EVA1C: variants seen among roughly 807,000 people sequenced by gnomAD.
EVA1C encodes eva-1 homolog C.
In EVA1C, 25 loss-of-function variants were observed where a neutral mutation model predicts 45.4. That is an observed-to-expected ratio of 0.55 (90% CI 0.40 to 0.77). EVA1C has a LOEUF of 0.77. Ranked by LOEUF, EVA1C falls within the 30% of genes least tolerant of loss-of-function variation. The probability of loss-of-function intolerance (pLI) is 0.00; values close to 1 mark genes in which losing one functional copy is unlikely to be tolerated. For missense variants in EVA1C, 479 were observed against 554.8 expected (o/e 0.86, Z 1.37); for synonymous variants, 190 against 221.2 (o/e 0.86, Z 1.25).
At chr21:32,483,183 G>C (rs1214642940) in intron 4 of EVA1C, among the ~76,000 whole-genome samples, 1 of 152,038 alleles carries the variant, frequency 6.6e-6, no homozygotes, top group Non-Finnish European at 1.5e-5. Context: ...TACCCCTGGG[G>C]TTCTGCACCA....
At chr21:32,444,313 T>G (rs182952594) in intron 1 of EVA1C, among the ~76,000 whole-genome samples, 1 of 152,170 alleles carries the variant, frequency 6.6e-6, no homozygotes, top group Non-Finnish European at 1.5e-5. Flanking sequence ...ATTGCCCTTC[T>G]TCCCAGCAGT....
chr21:32,432,665 CAG>C (rs78891238), intron 1 of EVA1C, among the ~76,000 whole-genome samples: 24,072 of 152,114 alleles, frequency 0.16, 2,202 homozygotes, highest in Admixed American at 0.24. Flanking sequence ...TCATCTAAAA[CAG>C]AGCAATTCCC....
chr21:32,423,892 T>C (rs2833805), intron 1 of EVA1C, among the ~76,000 whole-genome samples: 24,800 of 152,156 alleles, frequency 0.16, 2,502 homozygotes, highest in East Asian at 0.28. Context: ...TGTCTGCCTC[T>C]GATGCCCTGT....
At chr21:32,487,693 C>T (rs1388992441) in intron 4 of EVA1C, among the ~76,000 whole-genome samples, 3 of 149,492 alleles carry the variant, frequency 2.0e-5, no homozygotes, top group African/African-American at 4.9e-5. Flanking sequence ...GCCCTCCAGT[C>T]TGGGGGACAG....
intron 1 of EVA1C, among the ~76,000 whole-genome samples, chr21:32,418,304 A>G (rs148776425): frequency 6.6e-6 from 1 of 152,340 alleles, no homozygotes; most frequent in East Asian, 1.9e-4. Flanking sequence ...CCACAGAAGA[A>G]GAGAGATGAA....
intron 2 of EVA1C, among the ~76,000 whole-genome samples, chr21:32,456,410 C>T (rs536226312): frequency 3.7e-4 from 57 of 152,300 alleles, no homozygotes; most frequent in Admixed American, 1.4e-3. Context: ...TGGAGCCCTC[C>T]GGTGACATCT....
At chr21:32,505,857 G>A (rs372359478) in intron 7 of EVA1C, among the ~76,000 whole-genome samples, 71 of 152,254 alleles carry the variant, frequency 4.7e-4, no homozygotes, top group African/African-American at 1.7e-3. Context: ...AGCTCCTAAT[G>A]AGTGAACTGG....
At chr21:32,461,904 T>C (rs899707549) in intron 3 of EVA1C, among the ~76,000 whole-genome samples, 4 of 152,180 alleles carry the variant, frequency 2.6e-5, no homozygotes, top group Non-Finnish European at 4.4e-5. Context: ...TCGTATCTGC[T>C]GTGTGTTGGG....
At chr21:32,458,772 C>T (rs930284192) in intron 3 of EVA1C, among the ~76,000 whole-genome samples, 2 of 152,126 alleles carry the variant, frequency 1.3e-5, no homozygotes, top group African/African-American at 2.4e-5. Flanking sequence ...TGAGCCACCA[C>T]GCCTGGTCGA....
chr21:32,478,736 G>A (rs568567646), intron 4 of EVA1C, among the ~76,000 whole-genome samples: 1 of 152,358 alleles, frequency 6.6e-6, no homozygotes, highest in South Asian at 2.1e-4. Flanking sequence ...GAGGCCGCCA[G>A]GCTTCAGAAT....
At chr21:32,450,407 A>G (rs1207430288) in intron 1 of EVA1C, among the ~76,000 whole-genome samples, 4 of 146,686 alleles carry the variant, frequency 2.7e-5, no homozygotes, top group Non-Finnish European at 5.9e-5. Context: ...TCATCTAGCT[A>G]CAGTGACAAG....
At chr21:32,443,638 A>G (rs995080626) in intron 1 of EVA1C, among the ~76,000 whole-genome samples, 4 of 152,212 alleles carry the variant, frequency 2.6e-5, no homozygotes, top group Non-Finnish European at 4.4e-5. Flanking sequence ...TATGCCCACT[A>G]TATCATTTAA....
rs1491020663 is a variant in EVA1C at position 32,427,712 on chromosome 21, A to AG, written c.160+14703dup. Among the ~76,000 whole-genome samples the AG allele has an allele frequency of 2.7e-5, 4 of 148,342 alleles. No homozygotes were observed. In the South Asian group the frequency reaches 6.5e-4, roughly 24 times the overall value. Reference sequence around the variant, plus strand: ...TGGTGACAGAGCAAGTCTCCATCTCAGGGGAAAAAAAAAAATAGGCAGAGG... The same window carrying AG: ...TGGTGACAGAGCAAGTCTCCATCTCAGGGGGAAAAAAAAAAATAGGCAGAGG... On this transcript the variant is annotated intron_variant, in intron 1 of 7. Transcript: ENST00000300255.
chr21:32,484,097 C>T (rs771428409), intron 4 of EVA1C, among the ~76,000 whole-genome samples: 79 of 152,052 alleles, frequency 5.2e-4, no homozygotes, highest in Admixed American at 4.3e-3. Context: ...GACCCCTTCA[C>T]GGTTCTCCAA....
chr21:32,495,183 C>G lies in EVA1C; in HGVS notation c.778+13C>G, dbSNP rs763051250. 2 of 1,612,302 alleles carry G rather than the reference C, an allele frequency of 1.2e-6. No homozygotes were observed. Among genetic ancestry groups the G allele is most frequent in the East Asian group, 4.5e-5 (2 of 44,850 alleles). On this transcript the variant is annotated intron_variant, in intron 5 of 7. Transcript: ENST00000300255. ...ACCTACGCATGTGGTAAGAACACAC[C>G]CCCGACCAGCTGCCTGATGACACTG...
chr21:32,470,293 G>T (rs1452577228), intron 4 of EVA1C, among the ~76,000 whole-genome samples: 1 of 152,206 alleles, frequency 6.6e-6, no homozygotes, highest in Non-Finnish European at 1.5e-5. Context: ...TTTGGAACAC[G>T]TGCCTCCCAA....
intron 4 of EVA1C, among the ~76,000 whole-genome samples, chr21:32,493,305 T>C (rs1160898405): frequency 6.6e-6 from 1 of 152,242 alleles, no homozygotes; most frequent in African/African-American, 2.4e-5. Flanking sequence ...GGGAATCCTC[T>C]ACACTGTCCC....
intron 1 of EVA1C, among the ~76,000 whole-genome samples, chr21:32,426,456 C>T (rs1483456090): frequency 6.6e-6 from 1 of 151,964 alleles, no homozygotes; most frequent in African/African-American, 2.4e-5. Context: ...CCACTGCCTC[C>T]CCGACTTTCC....
intron 7 of EVA1C, among the ~76,000 whole-genome samples, chr21:32,508,488 A>T (rs1180646362): frequency 1.3e-5 from 2 of 152,228 alleles, no homozygotes; most frequent in Non-Finnish European, 2.9e-5. Flanking sequence ...ACACAAAAAC[A>T]CGCTCCAGAG....
Sources: gnomAD v4.1 joint callset for allele counts (sites outside exome capture counted in the v4.1 genomes callset) on GRCh38, gnomAD v4.1.1 for gene constraint, MANE v1.5 for transcripts, NCBI Gene and HGNC (gene_info 2026-07-23, HGNC 2026-07-21) for gene names.